The following SNAPC3 variants were observed in gnomAD, a reference collection of about 807,000 sequenced individuals.
The protein encoded by SNAPC3 is snRNA-activating protein complex subunit 3.
SNAPC3 carries 56 observed loss-of-function variants against 47.7 expected under a neutral mutation model. The observed-to-expected ratio is 1.18, with a 90% CI of 0.95 to 1.47. The LOEUF is 1.47. Ranked by LOEUF, SNAPC3 falls within the 40% of genes most tolerant of loss-of-function variation. The pLI, the probability that SNAPC3 is intolerant of heterozygous loss-of-function variation, is 0.00. For missense variants in SNAPC3, 665 were observed against 511.3 expected, an observed-to-expected ratio of 1.30 and a Z score of -2.90; for synonymous variants, 235 against 189.9, an observed-to-expected ratio of 1.24 and a Z score of -1.95.
intron 1 of SNAPC3, among the ~76,000 whole-genome samples, chr9:15,423,612 G>A (rs945537656): frequency 2.6e-5 from 4 of 152,098 alleles, no homozygotes; most frequent in African/African-American, 9.7e-5. Flanking sequence ...TTTCTTTTGG[G>A]GACCTTCCGG....
At chr9:15,445,295 C>CATA (rs2033840474) in intron 4 of SNAPC3, among the ~76,000 whole-genome samples, 1 of 152,160 alleles carries the variant, frequency 6.6e-6, no homozygotes, top group African/African-American at 2.4e-5. Context: ...TATGTAAATC[C>CATA]ATAATGATTC....
Position 15,433,213 on chromosome 9 carries a change from A to G in SNAPC3, c.393-339A>G, listed in dbSNP as rs572002442. On this transcript the variant is annotated intron_variant, in intron 2 of 8. Coordinates refer to ENST00000380821, the MANE Select transcript of SNAPC3 (RefSeq NM_001039697.2). Reference sequence around the variant, plus strand: ...AGACTGAAGTATTTTAACAAACTCAAGGAGACTAAGGAAAAATAACAGATG... The same window carrying G: ...AGACTGAAGTATTTTAACAAACTCAGGGAGACTAAGGAAAAATAACAGATG... Among the ~76,000 whole-genome samples, 27 of 152,166 alleles carry G rather than the reference A, an allele frequency of 1.8e-4. No individual in the cohort carries two copies. The South Asian group carries it at 5.0e-3, about 28-fold the overall frequency.
intron 2 of SNAPC3, among the ~76,000 whole-genome samples, chr9:15,428,143 A>G (rs950020926): frequency 6.7e-6 from 1 of 149,286 alleles, no homozygotes; most frequent in African/African-American, 2.5e-5. Context: ...ACTGTCAAAC[A>G]GCTCTCATAT....
At chr9:15,455,624 A>G (rs1020220837) in intron 7 of SNAPC3, among the ~76,000 whole-genome samples, 1 of 152,096 alleles carries the variant, frequency 6.6e-6, no homozygotes, top group African/African-American at 2.4e-5. Flanking sequence ...ATGTGGGAAA[A>G]TGTGCTGGCC....
chr9:15,433,184 G>A lies in SNAPC3; in HGVS notation c.393-368G>A, dbSNP rs560142500. Reference sequence around the variant, plus strand: ...AAATTGTCAAGATCGTGAAAGATAAGGAGAGACTGAAGTATTTTAACAAAC... The same window carrying A: ...AAATTGTCAAGATCGTGAAAGATAAAGAGAGACTGAAGTATTTTAACAAAC... On this transcript the variant is annotated intron_variant, in intron 2 of 8. Transcript: ENST00000380821. Among the ~76,000 whole-genome samples the A allele has an allele frequency of 5.3e-5, 8 of 151,746 alleles. No individual in the cohort carries two copies. In the South Asian group the frequency reaches 1.7e-3, roughly 32 times the overall value.
rs2035185564 is a variant in SNAPC3 at position 15,461,145 on chromosome 9, A to C, written c.*1279A>C. On this transcript the variant is annotated 3_prime_UTR_variant, in exon 9 of 9. Transcript: ENST00000380821. ...ACTCTCATCTTATTCTGAGGAAAAA[A>C]AAAAAAACCAAAACTTTTTAAACTT... 1 of 151,632 alleles carries C rather than the reference A, an allele frequency of 6.6e-6. No homozygotes were observed. The highest frequency in any genetic ancestry group is 1.5e-5 in the Non-Finnish European group (1 of 67,924). 9.4% of individuals were successfully genotyped at this position (151,632 alleles called of 1,614,324 possible). A position where few individuals can be genotyped will look rare whatever the true frequency, so the allele number is the denominator to read the frequency against.
At chr9:15,449,557 ATATATATTTTTTTTTTTT>A (rs1432716664) in intron 5 of SNAPC3, among the ~76,000 whole-genome samples, 30 of 43,392 alleles carry the variant, frequency 6.9e-4, no homozygotes, top group African/African-American at 3.2e-3. Flanking sequence ...ATATATATAT[ATATATATTTTTTTTTTTT>A]TTTTTTTTTT....
intron 4 of SNAPC3, among the ~76,000 whole-genome samples, chr9:15,446,407 A>G (rs7858930): frequency 0.042 from 6,316 of 152,190 alleles, 408 homozygotes; most frequent in African/African-American, 0.14. Flanking sequence ...GGGTTTTGCT[A>G]TGTTGCCCAG....
intron 7 of SNAPC3, among the ~76,000 whole-genome samples, chr9:15,455,729 CGCTCTGTTGCCTAG>C (rs1198431122): frequency 4.8e-5 from 7 of 147,092 alleles, no homozygotes; most frequent in Middle Eastern, 3.2e-3. Context: ...GACGGAGTTT[CGCTCTGTTGCCTAG>C]GCTGGAATGC....
intron 3 of SNAPC3, among the ~76,000 whole-genome samples, chr9:15,441,989 C>T (rs545807862): frequency 6.6e-6 from 1 of 151,996 alleles, no homozygotes; most frequent in Non-Finnish European, 1.5e-5. Flanking sequence ...GGCGCCCCCC[C>T]ACCTCCCGGA....
intron 5 of SNAPC3, among the ~76,000 whole-genome samples, chr9:15,449,357 C>T (rs1176128013): frequency 6.6e-6 from 1 of 151,878 alleles, no homozygotes; most frequent in African/African-American, 2.4e-5. Flanking sequence ...CCAGTCTGGG[C>T]AACAACTCAC....
At chr9:15,455,873 ATTAT>A (rs901802799) in intron 7 of SNAPC3, among the ~76,000 whole-genome samples, 1 of 142,982 alleles carries the variant, frequency 7.0e-6, no homozygotes, top group Non-Finnish European at 1.5e-5. Context: ...TAATTTTTGT[ATTAT>A]TTATTTATTT....
In SNAPC3 at chr9:15,451,403, G is replaced by A. The variant is rs777426644; in HGVS notation, c.815+1G>A. 6.9e-7 allele frequency: 1 copy of A among 1,457,076 alleles called. No individual in the cohort carries two copies. The highest frequency in any genetic ancestry group is 1.3e-5 in the South Asian group (1 of 74,646). The allele number at this position is 1,457,076 out of a possible 1,614,324, so 90.3% of individuals were successfully genotyped here. A position where few individuals can be genotyped will look rare whatever the true frequency, so the allele number is the denominator to read the frequency against. On this transcript the variant is annotated splice_donor_variant, in intron 6 of 8. Coordinates refer to ENST00000380821, the MANE Select transcript of SNAPC3 (RefSeq NM_001039697.2). LOFTEE classifies it high-confidence loss of function. ...ACCCAGAATGCAGAGATTTGAGCAG[G>A]TATAGTTTCCAAAAATCTTCTCAAA...
downstream of SNAPC3, chr9:15,465,791 T>TCCA (rs1325194386): frequency 3.3e-5 from 16 of 478,732 alleles, no homozygotes; most frequent in African/African-American, 3.3e-4. Context: ...CTTCCCAAAG[T>TCCA]AATATGCAGA....
chr9:15,434,510 C>T (rs985296020), intron 3 of SNAPC3, among the ~76,000 whole-genome samples: 11 of 151,340 alleles, frequency 7.3e-5, no homozygotes, highest in Non-Finnish European at 1.5e-4. Flanking sequence ...TGGGTTCAAG[C>T]GATTCTCCTG....
intron 3 of SNAPC3, among the ~76,000 whole-genome samples, chr9:15,441,299 A>G (rs2033333481): frequency 7.0e-6 from 1 of 142,080 alleles, no homozygotes; most frequent in Non-Finnish European, 1.5e-5. Flanking sequence ...TCTACTTTTA[A>G]TTTTTTGAGA....
Position 15,453,210 on chromosome 9 carries a change from G to A in SNAPC3, c.980+5G>A, listed in dbSNP as rs2034526240. The A allele has an allele frequency of 6.3e-7, 1 of 1,598,598 alleles. No homozygotes were observed. The highest frequency in any genetic ancestry group is 8.5e-7 in the Non-Finnish European group (1 of 1,171,722). On this transcript the variant is annotated splice_donor_5th_base_variant and intron_variant, in intron 7 of 8. Transcript: ENST00000380821. ...CATTGTCATTACTGACATAAGGTAGGTGACAGCACTTAAGACATTTTGTTA... is the reference window on the plus strand; with the variant it reads ...CATTGTCATTACTGACATAAGGTAGATGACAGCACTTAAGACATTTTGTTA...
intron 4 of SNAPC3, 101 bp from the exon 5 acceptor site, chr9:15,446,988 TTTAAAA>T (rs2033981714): frequency 1.0e-6 from 1 of 964,600 alleles, no homozygotes; most frequent in Middle Eastern, 2.9e-4. Context: ...ATGGGGACAA[TTTAAAA>T]TTAAGAAAAC....
chr9:15,455,043 T>C (rs574693023), intron 7 of SNAPC3, among the ~76,000 whole-genome samples: 5 of 152,268 alleles, frequency 3.3e-5, no homozygotes, highest in South Asian at 4.1e-4. Context: ...GTGGCTTAGG[T>C]AGAAGTAGCA....
Sources: gnomAD v4.1 joint callset for allele counts (sites outside exome capture counted in the v4.1 genomes callset) on GRCh38, gnomAD v4.1.1 for gene constraint, MANE v1.5 for transcripts, NCBI Gene and HGNC (gene_info 2026-07-23, HGNC 2026-07-21) for gene names.